Variants in PPP3CA observed in about 807,000 individuals in gnomAD.
PPP3CA encodes CAM-PRP catalytic subunit.
In PPP3CA, 14 loss-of-function variants were observed where a neutral mutation model predicts 66.5. The ratio of observed to expected loss-of-function variants is 0.21; its 90% CI spans 0.14 to 0.33. The LOEUF is 0.33. Among genes scored for constraint, PPP3CA ranks in the 10% least tolerant of loss-of-function variants. PPP3CA has a pLI of 1.00. For missense variants in PPP3CA, 317 were observed against 639.5 expected, an observed-to-expected ratio of 0.50 and a Z score of 5.44; for synonymous variants, 232 against 226.2, an observed-to-expected ratio of 1.03 and a Z score of -0.23.
intron 1 of PPP3CA, among the ~76,000 whole-genome samples, chr4:101,307,751 C>G (rs1027694461): frequency 6.6e-6 from 1 of 152,174 alleles, no homozygotes; most frequent in Admixed American, 6.6e-5. Context: ...GTATGTGAAG[C>G]CTTCCTCCAG....
At chr4:101,133,994 G>A (rs956555037) in intron 2 of PPP3CA, among the ~76,000 whole-genome samples, 4 of 152,144 alleles carry the variant, frequency 2.6e-5, no homozygotes, top group Admixed American at 6.5e-5. Flanking sequence ...AAGCAATGAG[G>A]GAAGGATTCC....
chr4:101,258,784 T>C (rs1244122161), intron 1 of PPP3CA, among the ~76,000 whole-genome samples: 2 of 152,056 alleles, frequency 1.3e-5, no homozygotes, highest in Non-Finnish European at 2.9e-5. Context: ...TGAAGTCCAG[T>C]TTCCTTTCCC....
intron 10 of PPP3CA, among the ~76,000 whole-genome samples, chr4:101,054,607 T>A (rs1429905139): frequency 6.6e-6 from 1 of 152,078 alleles, no homozygotes; most frequent in Non-Finnish European, 1.5e-5. Flanking sequence ...GTCACACTAA[T>A]TCCCAACTTT....
At chr4:101,222,773 T>C (rs1407134792) in intron 1 of PPP3CA, among the ~76,000 whole-genome samples, 2 of 151,728 alleles carry the variant, frequency 1.3e-5, no homozygotes, top group Non-Finnish European at 3.0e-5. Flanking sequence ...CGAACTTTCA[T>C]TAAAAAGGAA....
At chr4:101,207,842 A>C (rs1725182159) in intron 1 of PPP3CA, among the ~76,000 whole-genome samples, 1 of 152,144 alleles carries the variant, frequency 6.6e-6, no homozygotes, top group African/African-American at 2.4e-5. Flanking sequence ...AAGAAAAAAA[A>C]AAAAGAGTAG....
chr4:101,050,523 G>C lies in PPP3CA; in HGVS notation c.1157-9957C>G, dbSNP rs992350711. ...TTTCCTTATCTATAAAGTGAGGCAT[G>C]TTCTAAATGCATTATTTCCATATAA... is the stretch of plus-strand genomic sequence containing the variant. On this transcript the variant is annotated intron_variant, in intron 10 of 13. Coordinates refer to ENST00000394854, the MANE Select transcript of PPP3CA (RefSeq NM_000944.5). Among the ~76,000 whole-genome samples the C allele has an allele frequency of 2.0e-5, 3 of 152,272 alleles. No individual in the cohort carries two copies. In the East Asian group the frequency reaches 5.8e-4, roughly 29 times the overall value.
At chr4:101,305,779 G>T (rs1560708922) in intron 1 of PPP3CA, among the ~76,000 whole-genome samples, 2 of 152,230 alleles carry the variant, frequency 1.3e-5, no homozygotes, top group South Asian at 2.1e-4. Flanking sequence ...ATGGAGGGGG[G>T]TGTTTAAAAA....
chr4:101,216,170 T>C (rs1725446213), intron 1 of PPP3CA, among the ~76,000 whole-genome samples: 1 of 152,178 alleles, frequency 6.6e-6, no homozygotes, highest in South Asian at 2.1e-4. Flanking sequence ...TATTTCATAA[T>C]CAATAAATTA....
At chr4:101,225,268 T>A (rs201583356) in intron 1 of PPP3CA, among the ~76,000 whole-genome samples, 1 of 19,228 alleles carries the variant, frequency 5.2e-5, no homozygotes, top group East Asian at 4.1e-4. Flanking sequence ...TGAAGATATT[T>A]TTATTAAATA....
chr4:101,186,789 A>G (rs1034575131), intron 2 of PPP3CA, among the ~76,000 whole-genome samples: 1 of 152,144 alleles, frequency 6.6e-6, no homozygotes, highest in Admixed American at 6.6e-5. Context: ...ACTGCAAGCT[A>G]TATTATCCAA....
intron 1 of PPP3CA, among the ~76,000 whole-genome samples, chr4:101,227,417 T>C (rs1350641647): frequency 6.6e-6 from 1 of 151,754 alleles, no homozygotes; most frequent in Non-Finnish European, 1.5e-5. Context: ...TCTTATTCTA[T>C]ACTACAGGAG....
At chr4:101,088,690 T>C (rs1015001372) in intron 6 of PPP3CA, among the ~76,000 whole-genome samples, 1 of 150,992 alleles carries the variant, frequency 6.6e-6, no homozygotes, top group Non-Finnish European at 1.5e-5. Context: ...GAAAAAATTC[T>C]CAAAAAAGAT....
intron 1 of PPP3CA, among the ~76,000 whole-genome samples, chr4:101,337,490 G>A (rs926237772): frequency 1.3e-5 from 2 of 152,186 alleles, no homozygotes; most frequent in Admixed American, 6.5e-5. Flanking sequence ...AGAGTACTCA[G>A]GGAGAATTCT....
chr4:101,130,432 C>G (rs1722392636), intron 2 of PPP3CA, among the ~76,000 whole-genome samples: 1 of 151,954 alleles, frequency 6.6e-6, no homozygotes, highest in Non-Finnish European at 1.5e-5. Flanking sequence ...GAAGAGCAAC[C>G]CTAAAACACA....
At position 101,145,237 on chromosome 4, in the gene PPP3CA, C is replaced by CA. The variant is rs1722933679; in HGVS notation, c.260-36160dup. ...TATGGAGAACACTTTGGAAGTTCCC[C>CA]AAAAAACTAAAAATAGAGTTACCAT... On this transcript the variant is annotated intron_variant, in intron 2 of 13. Coordinates refer to ENST00000394854, the MANE Select transcript of PPP3CA (RefSeq NM_000944.5). Among the ~76,000 whole-genome samples the CA allele has an allele frequency of 2.0e-5, 3 of 152,052 alleles. No homozygotes were observed. In the South Asian group the frequency reaches 6.2e-4, roughly 32 times the overall value.
intron 1 of PPP3CA, among the ~76,000 whole-genome samples, chr4:101,281,441 A>G (rs898520221): frequency 6.6e-6 from 1 of 152,224 alleles, no homozygotes; most frequent in Non-Finnish European, 1.5e-5. Flanking sequence ...GCTCTTAAAT[A>G]CGTAAGAGGG....
chr4:101,230,309 T>A (rs1281597583), intron 1 of PPP3CA, among the ~76,000 whole-genome samples: 1 of 151,614 alleles, frequency 6.6e-6, no homozygotes, highest in Non-Finnish European at 1.5e-5. Context: ...CTACTTGAAT[T>A]ACATTTTTCA....
At chr4:101,106,458 A>AGAAAGAAG (rs1560605216) in intron 3 of PPP3CA, among the ~76,000 whole-genome samples, 653 of 32,692 alleles carry the variant, frequency 0.02, 147 homozygotes, top group Middle Eastern at 0.038. Flanking sequence ...AGAAAGAGAA[A>AGAAAGAAG]AGAAAAGAAA....
At chr4:101,198,197 A>AT (rs1455368722) in intron 1 of PPP3CA, among the ~76,000 whole-genome samples, 2 of 151,908 alleles carry the variant, frequency 1.3e-5, no homozygotes, top group Non-Finnish European at 2.9e-5. Flanking sequence ...GGGTTATTCT[A>AT]TTTTTTTTCC....
Sources: allele counts gnomAD v4.1 joint callset (sites outside exome capture counted in the v4.1 genomes callset), GRCh38; gene constraint gnomAD v4.1.1; transcripts MANE v1.5; gene names NCBI Gene and HGNC (gene_info 2026-07-23, HGNC 2026-07-21).